MOV10L1: variants seen among roughly 807,000 people sequenced by gnomAD.
The protein encoded by MOV10L1 is Mov10 like RNA helicase 1, also known as RNA helicase Mov10l1.
MOV10L1 carries 110 observed loss-of-function variants against 143.8 expected under a neutral mutation model. The ratio of observed to expected loss-of-function variants is 0.76; its 90% CI spans 0.66 to 0.90. MOV10L1 has a LOEUF of 0.90. Among genes scored for constraint, MOV10L1 ranks in the 40% least tolerant of loss-of-function variants. The probability of loss-of-function intolerance (pLI) is 0.00; values close to 1 mark genes in which losing one functional copy is unlikely to be tolerated. For synonymous variants in MOV10L1, 593 were observed against 581.1 expected, an observed-to-expected ratio of 1.02 and a Z score of -0.29; for missense variants, 1,406 against 1,526.8, an observed-to-expected ratio of 0.92 and a Z score of 1.32.
chr22:50,161,243 T>G, intron 26 of MOV10L1, 125 bp from the exon 27 acceptor site: 1 of 1,023,708 alleles, frequency 9.8e-7, no homozygotes, highest in Non-Finnish European at 1.4e-6. Flanking sequence ...TCATGTCACC[T>G]TTCCCACATA....
chr22:50,149,294 A>T, intron 19 of MOV10L1: 1 of 328,512 alleles, frequency 3.0e-6, no homozygotes, highest in Non-Finnish European at 5.7e-6. Context: ...GCAGGCCAGG[A>T]GCCTGCGGCG....
chr22:50,112,316 G>C (rs1418177896), intron 5 of MOV10L1, among the ~76,000 whole-genome samples: 1 of 152,194 alleles, frequency 6.6e-6, no homozygotes, highest in Non-Finnish European at 1.5e-5. Flanking sequence ...GAGCCTGGCG[G>C]TGCCAGGAAA....
chr22:50,143,478 G>A (rs2063048396), intron 17 of MOV10L1: 1 of 495,030 alleles, frequency 2.0e-6, no homozygotes, highest in Non-Finnish European at 3.7e-6. Context: ...CTGCAGAAAA[G>A]AAGTTACTCT....
At chr22:50,160,366 CCT>C (rs921189900) in intron 24 of MOV10L1, among the ~76,000 whole-genome samples, 1 of 151,760 alleles carries the variant, frequency 6.6e-6, no homozygotes, top group African/African-American at 2.4e-5. Flanking sequence ...CCTGCCTCAG[CCT>C]CTCGAGTAGC....
At chr22:50,118,437 T>C (rs960347249) in intron 9 of MOV10L1, among the ~76,000 whole-genome samples, 1 of 152,172 alleles carries the variant, frequency 6.6e-6, no homozygotes, top group African/African-American at 2.4e-5. Context: ...GGGCATATTA[T>C]TATTGAGAAA....
Position 50,113,724 on chromosome 22 carries a change from A to G in MOV10L1, c.820A>G (p.Thr274Ala). Residue 274 changes from threonine (T) to alanine (A), a missense_variant, in exon 6 of 27, where the codon ACA becomes GCA. Coordinates refer to ENST00000262794, the MANE Select transcript of MOV10L1 (RefSeq NM_018995.3). ...GAAGAACAAAGGTGATATTGAAGTT[A>G]CACAGGTGACGCATTTTGGAACCCT... Reference protein sequence around the residue: ...LLKNKGDIEVTQVTHFGTLKE... With the variant: ...LLKNKGDIEVAQVTHFGTLKE... 1 of 1,614,170 alleles carries G rather than the reference A, an allele frequency of 6.2e-7. No individual in the cohort carries two copies.
chr22:50,111,221 T>G (rs1200047838), intron 5 of MOV10L1, among the ~76,000 whole-genome samples: 1 of 152,116 alleles, frequency 6.6e-6, no homozygotes, highest in African/African-American at 2.4e-5. Flanking sequence ...CCTTCAATAT[T>G]TAAAAGAGAA....
chr22:50,090,561 C>T (rs1017407954), intron 1 of MOV10L1: 3 of 1,582,668 alleles, frequency 1.9e-6, no homozygotes, highest in Non-Finnish European at 2.6e-6. Context: ...CTTGGCCTGT[C>T]CTTTCAGAAC....
Position 50,115,248 on chromosome 22 carries a change from TA to T in MOV10L1, c.1259+4del, listed in dbSNP as rs2062138533. 1.3e-6 allele frequency: 2 copies of T among 1,517,480 alleles called. No homozygotes were observed. The highest frequency in any genetic ancestry group is 2.9e-5 in the African/African-American group (2 of 68,550). 94.0% of individuals were successfully genotyped at this position (1,517,480 alleles called of 1,614,324 possible). A position where few individuals can be genotyped will look rare whatever the true frequency, so the allele number is the denominator to read the frequency against. On this transcript the variant is annotated splice_donor_region_variant and intron_variant, in intron 8 of 26. Transcript: ENST00000262794. ...CATTGTGGTCATCTGTGACGGAAAGTAAGGGCCTGGAGGTCTGGGGAGAGCC... is the reference window on the plus strand; with the variant it reads ...CATTGTGGTCATCTGTGACGGAAAGTAGGGCCTGGAGGTCTGGGGAGAGCC...
intron 2 of MOV10L1, chr22:50,095,750 TTGG>T (rs2062572265): frequency 6.6e-6 from 1 of 152,132 alleles, no homozygotes; most frequent in South Asian, 2.1e-4. Context: ...CCCAGCCCTC[TTGG>T]TGGTCAGCTG....
intron 10 of MOV10L1, among the ~76,000 whole-genome samples, chr22:50,123,253 G>T (rs1409609422): frequency 6.7e-6 from 1 of 150,334 alleles, no homozygotes; most frequent in Non-Finnish European, 1.5e-5. Flanking sequence ...ATGATCATAT[G>T]ATTTTTTTTC....
chr22:50,128,402 T>A lies in MOV10L1; in HGVS notation c.1819-14T>A. ...ATTTCAAGAAATCAGGTATATTGTT[T>A]GTTCCTTTTTTAGATTCATGAAGAA... On this transcript the variant is annotated splice_polypyrimidine_tract_variant and intron_variant, in intron 12 of 26. Coordinates refer to ENST00000262794, the MANE Select transcript of MOV10L1 (RefSeq NM_018995.3). 3.1e-6 allele frequency: 4 copies of A among 1,310,606 alleles called. No homozygotes were observed. Among genetic ancestry groups the A allele is most frequent in the Non-Finnish European group, 4.3e-6 (4 of 921,824 alleles). The allele number at this position is 1,310,606 out of a possible 1,614,324, so 81.2% of individuals were successfully genotyped here.
intron 8 of MOV10L1, 70 bp downstream of exon 8, chr22:50,115,316 A>T: frequency 7.1e-7 from 1 of 1,417,288 alleles, no homozygotes; most frequent in Non-Finnish European, 9.2e-7. Context: ...TGGGTGTTAT[A>T]AAAGGTACTC....
chr22:50,105,884 C>T (rs1217888533), intron 3 of MOV10L1, among the ~76,000 whole-genome samples: 1 of 152,262 alleles, frequency 6.6e-6, no homozygotes, highest in African/African-American at 2.4e-5. Flanking sequence ...AGTTCAGGAA[C>T]TTGTACGTGC....
At chr22:50,157,964 T>C in intron 22 of MOV10L1, 93 bp from the exon 23 acceptor site, 1 of 1,407,748 alleles carries the variant, frequency 7.1e-7, no homozygotes, top group Non-Finnish European at 9.8e-7. Flanking sequence ...TCATATTCAG[T>C]GTGTATTCCC....
Position 50,159,813 on chromosome 22 carries a change from G to A in MOV10L1, c.3324+28G>A. The stretch of plus-strand genomic sequence containing the variant: ...AGGTATCCCTGTTCTCCGTGGGGAT[G>A]GACAGTCAGGTGCTTGCTGCCCTGG... On this transcript the variant is annotated intron_variant, in intron 24 of 26. Transcript: ENST00000262794. The surrounding 1 kb of genome is among the most constrained non-coding windows in gnomAD (Gnocchi z 4.1). 1 of 1,470,010 alleles carries A rather than the reference G, an allele frequency of 6.8e-7. No homozygotes were observed. The highest frequency in any genetic ancestry group is 9.5e-7 in the Non-Finnish European group (1 of 1,052,568). The allele number at this position is 1,470,010 out of a possible 1,614,324, so 91.1% of individuals were successfully genotyped here. A position where few individuals can be genotyped will look rare whatever the true frequency, so the allele number is the denominator to read the frequency against.
At chr22:50,093,345 C>T (rs554527808) in intron 2 of MOV10L1, 7 of 152,050 alleles carry the variant, frequency 4.6e-5, no homozygotes, top group Non-Finnish European at 1.0e-4. Flanking sequence ...AATATTTTCC[C>T]CAGGATCATC....
rs572308652 is a variant in MOV10L1, at chr22:50,139,958, C to T, written c.2071-2123C>T. ...AAAGGTGTTTTTAAGAAGCTGGACG[C>T]GCACCTGCCATACAACCCAGCCATT... On this transcript the variant is annotated intron_variant, in intron 15 of 26. Transcript: ENST00000262794. Among the ~76,000 whole-genome samples the T allele has an allele frequency of 9.9e-5, 15 of 152,268 alleles. No homozygotes were observed. The South Asian group carries it at 1.7e-3, about 17-fold the overall frequency.
At position 50,120,545 on chromosome 22, in the gene MOV10L1, A is replaced by G. The variant is rs760438809; in HGVS notation, c.1498A>G (p.Ile500Val). The stretch of plus-strand genomic sequence containing the variant: ...TCCAAGTTTTCTTCCCCAATATCCA[A>G]TCCCAGATAGACTTAGAAAATGTGT... ...QLPSFLPQYP[I>V]PDRLRKCVEQ... Residue 500 changes from isoleucine (I) to valine (V), a missense_variant, in exon 10 of 27, where the codon ATC (isoleucine) becomes GTC (valine). Around this residue, in one of 3 missense-constraint regions of MOV10L1, gnomAD observed 1,233 missense variants for 1,351.4 expected, o/e 0.91. Coordinates refer to ENST00000262794, the MANE Select transcript of MOV10L1 (RefSeq NM_018995.3). 1 of 1,613,548 alleles carries G rather than the reference A, an allele frequency of 6.2e-7. No homozygotes were observed. Among genetic ancestry groups the G allele is most frequent in the South Asian group, 1.1e-5 (1 of 90,838 alleles).
Sources: allele counts gnomAD v4.1 joint callset (sites outside exome capture counted in the v4.1 genomes callset), GRCh38; gene constraint gnomAD v4.1.1; regional missense constraint gnomAD v4.1.1; non-coding constraint Gnocchi (gnomAD v3.1); transcripts MANE v1.5; gene names NCBI Gene and HGNC (gene_info 2026-07-23, HGNC 2026-07-21).